Variants in PDK2 observed in about 807,000 individuals in gnomAD.
PDK2 encodes the protein pyruvate dehydrogenase kinase 2, also known as pyruvate dehydrogenase kinase, isozyme 2.
A neutral mutation model predicts 50.4 loss-of-function variants in PDK2; 34 were observed. The ratio of observed to expected loss-of-function variants is 0.68; its 90% CI spans 0.51 to 0.90. PDK2 has a LOEUF of 0.90. Among genes scored for constraint, PDK2 ranks in the 40% least tolerant of loss-of-function variants. The probability of loss-of-function intolerance (pLI) is 0.00; values close to 1 mark genes in which losing one functional copy is unlikely to be tolerated. For synonymous variants in PDK2, 232 were observed against 216.0 expected (o/e 1.07, Z -0.65); for missense variants, 377 against 544.5 (o/e 0.69, Z 3.06).
In PDK2 at chr17:50,111,912, G is replaced by C. The variant is rs961518123; in HGVS notation, c.*1815G>C. 6.6e-6 allele frequency: 1 copy of C among 152,076 alleles called. No homozygotes were observed. The highest frequency in any genetic ancestry group is 2.4e-5 in the African/African-American group (1 of 41,396). The allele number at this position is 152,076 out of a possible 1,614,324, so 9.4% of individuals were successfully genotyped here. On this transcript the variant is annotated 3_prime_UTR_variant, in exon 11 of 11. Transcript: ENST00000503176. The stretch of plus-strand genomic sequence containing the variant: ...TTCCCTGACAATGCCTGGGGCAGAT[G>C]GGGGAGGGCTGATGAACCTTTCCAA...
Position 50,107,164 on chromosome 17 carries a change from G to C in PDK2, c.685+11G>C. 6.2e-7 allele frequency: 1 copy of C among 1,612,126 alleles called. No homozygotes were observed. The highest frequency in any genetic ancestry group is 8.5e-7 in the Non-Finnish European group (1 of 1,178,190). ...TCCAGGAGATCAATGGTGAGTGAGCGGGGCTGTGTATGTGTCTGTCTTGGG... is the reference window on the plus strand; with the variant it reads ...TCCAGGAGATCAATGGTGAGTGAGCCGGGCTGTGTATGTGTCTGTCTTGGG... On this transcript the variant is annotated intron_variant, in intron 6 of 10. Transcript: ENST00000503176.
intron 4 of PDK2, chr17:50,106,521 GA>G: frequency 1.9e-6 from 1 of 530,650 alleles, no homozygotes; most frequent in Non-Finnish European, 3.3e-6. Flanking sequence ...TCAAAGAAAA[GA>G]ATAAATGCAA....
chr17:50,109,117 C>G lies in PDK2; in HGVS notation c.970-170C>G, dbSNP rs1395786050. Among the ~76,000 whole-genome samples, 2 of 152,038 alleles carry G rather than the reference C, an allele frequency of 1.3e-5. No homozygotes were observed. Among genetic ancestry groups the G allele is most frequent in the Middle Eastern group, 3.2e-3 (1 of 316 alleles). ...CCGCATTCATGATTGCCCCATTCACCCCACACACACTTCTTACCTCAGTGT... is the reference window on the plus strand; with the variant it reads ...CCGCATTCATGATTGCCCCATTCACGCCACACACACTTCTTACCTCAGTGT... On this transcript the variant is annotated intron_variant, in intron 9 of 10. Transcript: ENST00000503176. The surrounding 1 kb of genome is among the most constrained non-coding windows in gnomAD (Gnocchi z 5.0).
chr17:50,095,888 T>A, intron 1 of PDK2: 1 of 794,704 alleles, frequency 1.3e-6, no homozygotes, highest in African/African-American at 1.9e-5. Context: ...TTAATGGGAG[T>A]TGTCCTCATG....
chr17:50,108,330 G>A lies in PDK2; in HGVS notation c.774G>A (p.Arg258=), dbSNP rs1910631128. ...MLFELFKNAM[R]ATVESHESSL... ...CTGCCCCTCCGCAGAATGCCATGAG[G>A]GCGACTGTGGAAAGCCATGAGTCCA... Residue 258 remains arginine, a synonymous_variant, in exon 8 of 11, where the codon AGG becomes AGA. Transcript: ENST00000503176. 1 of 1,613,870 alleles carries A rather than the reference G, an allele frequency of 6.2e-7. No individual in the cohort carries two copies. Among genetic ancestry groups the A allele is most frequent in the African/African-American group, 1.3e-5 (1 of 74,896 alleles).
At chr17:50,099,897 A>G (rs576932240) in intron 2 of PDK2, among the ~76,000 whole-genome samples, 42 of 152,336 alleles carry the variant, frequency 2.8e-4, no homozygotes, top group African/African-American at 1.0e-3. Context: ...GTTTCCAGAG[A>G]GAATGAGCAT....
Position 50,095,390 on chromosome 17 carries a change from C to G in PDK2, c.-46C>G, listed in dbSNP as rs1265011777. 1 of 1,418,204 alleles carries G rather than the reference C, an allele frequency of 7.1e-7. No individual in the cohort carries two copies. Among genetic ancestry groups the G allele is most frequent in the Admixed American group, 1.9e-5 (1 of 53,276 alleles). 87.9% of individuals were successfully genotyped at this position (1,418,204 alleles called of 1,614,324 possible). A position where few individuals can be genotyped will look rare whatever the true frequency, so the allele number is the denominator to read the frequency against. ...GTCGCTGGGCCGAAAGGTGCGCGAG[C>G]GCTGCCCGCGCGGGGACCACAACCA... On this transcript the variant is annotated 5_prime_UTR_variant, in exon 1 of 11. Coordinates refer to ENST00000503176, the MANE Select transcript of PDK2 (RefSeq NM_002611.5).
intron 2 of PDK2, 155 bp downstream of exon 2, chr17:50,097,719 C>T (rs995543972): frequency 2.2e-5 from 17 of 780,962 alleles, no homozygotes; most frequent in Non-Finnish European, 3.2e-5. Flanking sequence ...CCTAGGGTCA[C>T]GTGGGAATCT....
upstream of PDK2, chr17:50,095,217 G>GGA: frequency 4.0e-6 from 2 of 504,416 alleles, no homozygotes; most frequent in Middle Eastern, 5.2e-4. Context: ...GGGCCCGGGG[G>GGA]AAGCCACGTG....
Position 50,109,325 on chromosome 17 carries a change from C to T in PDK2, c.1008C>T (p.Tyr336=), listed in dbSNP as rs147969960. 3.9e-4 allele frequency: 629 copies of T among 1,613,728 alleles called. No individual in the cohort carries two copies. The highest frequency in any genetic ancestry group is 3.6e-3 in the African/African-American group (272 of 75,030). Residue 336 remains tyrosine, a synonymous_variant, in exon 10 of 11, where the codon TAC becomes TAT. Coordinates refer to ENST00000503176, the MANE Select transcript of PDK2 (RefSeq NM_002611.5). The surrounding 1 kb of genome is among the most constrained non-coding windows in gnomAD (Gnocchi z 5.0). The stretch of plus-strand genomic sequence containing the variant: ...ATGGGCTCCCCATTTCCCGCCTCTA[C>T]GCCAAGTACTTCCAGGGAGACCTGC... ...FGYGLPISRL[Y]AKYFQGDLQL...
chr17:50,107,210 A>G, intron 6 of PDK2, 57 bp downstream of exon 6: 2 of 1,369,500 alleles, frequency 1.5e-6, no homozygotes, highest in South Asian at 1.2e-5. Flanking sequence ...TGGCAGGGCA[A>G]GGTGAGACGG....
upstream of PDK2, chr17:50,095,319 T>C: frequency 1.5e-6 from 1 of 664,194 alleles, no homozygotes; most frequent in Non-Finnish European, 2.5e-6. Flanking sequence ...GGCTGGGCGT[T>C]GGAATGCCCG....
chr17:50,108,938 T>A (rs1910669758), intron 9 of PDK2, among the ~76,000 whole-genome samples: 1 of 152,082 alleles, frequency 6.6e-6, no homozygotes, highest in Non-Finnish European at 1.5e-5. Flanking sequence ...CTCTCTTCTG[T>A]AGCTCCCAAA....
chr17:50,095,799 G>T, intron 1 of PDK2: 1 of 1,340,124 alleles, frequency 7.5e-7, no homozygotes, highest in Non-Finnish European at 9.6e-7. Flanking sequence ...GCCTCATGAA[G>T]GGTCTTGAAG....
At chr17:50,097,626 G>A in intron 2 of PDK2, 62 bp downstream of exon 2, 1 of 1,587,570 alleles carries the variant, frequency 6.3e-7, no homozygotes, top group Admixed American at 1.7e-5. Context: ...TGGGCTCAGG[G>A]ATGGCATCTC....
chr17:50,096,260 C>T (rs1909936057), intron 1 of PDK2: 2 of 985,498 alleles, frequency 2.0e-6, no homozygotes, highest in South Asian at 4.7e-5. Flanking sequence ...CCGCCTATAC[C>T]TCCCTTGGCT....
chr17:50,106,653 C>A, intron 4 of PDK2, 141 bp from the exon 5 acceptor site: 1 of 702,172 alleles, frequency 1.4e-6, no homozygotes. Flanking sequence ...AGGACAGAAG[C>A]GGGGGAGTGG....
chr17:50,099,645 T>C (rs1910119571), intron 2 of PDK2, among the ~76,000 whole-genome samples: 2 of 151,562 alleles, frequency 1.3e-5, no homozygotes, highest in Non-Finnish European at 1.5e-5. Context: ...TATAAAAAAT[T>C]AGCCGGGCGC....
rs1910009948 is a variant in PDK2, at chr17:50,097,480, T to C, written c.176T>C (p.Val59Ala). 1.2e-6 allele frequency: 2 copies of C among 1,613,922 alleles called. No individual in the cohort carries two copies. Among genetic ancestry groups the C allele is most frequent in the East Asian group, 4.5e-5 (2 of 44,870 alleles). ...SFTFLRQELP[V>A]RLANIMKEIN... ...ACCTTCCTCAGGCAGGAGCTGCCTG[T>C]GCGCCTGGCCAACATCATGAAAGAG... is the stretch of plus-strand genomic sequence containing the variant. Residue 59 changes from valine (V) to alanine (A), a missense_variant, in exon 2 of 11, where the codon GTG becomes GCG. Val to Ala is a moderately conservative substitution (Grantham distance 64). Around this residue, in one of 3 missense-constraint regions of PDK2, gnomAD observed 100 missense variants for 115.5 expected, o/e 0.87. Coordinates refer to ENST00000503176, the MANE Select transcript of PDK2 (RefSeq NM_002611.5).
Sources: gnomAD v4.1 joint callset for allele counts (sites outside exome capture counted in the v4.1 genomes callset) on GRCh38, gnomAD v4.1.1 for gene constraint, gnomAD v4.1.1 regional missense constraint, Gnocchi (gnomAD v3.1) non-coding constraint, MANE v1.5 for transcripts, NCBI Gene and HGNC (gene_info 2026-07-23, HGNC 2026-07-21) for gene names.